The following RBPJ variants were observed in gnomAD, a reference collection of about 807,000 sequenced individuals.
RBPJ encodes the protein recombining binding protein suppressor of hairless.
In RBPJ, 9 loss-of-function variants were observed where a neutral mutation model predicts 67.8. That is an observed-to-expected ratio of 0.13 (90% CI 0.08 to 0.23). RBPJ has a LOEUF of 0.23. RBPJ is among the 10% of genes least tolerant of loss of function. The pLI is 1.00. For synonymous variants in RBPJ, 198 were observed against 203.3 expected, an observed-to-expected ratio of 0.97 and a Z score of 0.22; for missense variants, 305 against 595.6, an observed-to-expected ratio of 0.51 and a Z score of 5.08.
intron 1 of RBPJ, among the ~76,000 whole-genome samples, chr4:26,339,197 T>G (rs866921699): frequency 2.0e-5 from 3 of 152,196 alleles, no homozygotes; most frequent in Non-Finnish European, 4.4e-5. Flanking sequence ...AACGTGGTGT[T>G]TAGTACCCAG....
upstream of RBPJ, chr4:26,319,957 C>T: frequency 2.2e-6 from 3 of 1,352,310 alleles, no homozygotes; most frequent in Admixed American, 2.2e-5. Context: ...CAGGTTTGCC[C>T]GGGGGCTTCC....
At chr4:26,310,218 C>G (rs1025923556) in intron 1 of RBPJ, among the ~76,000 whole-genome samples, 1 of 152,134 alleles carries the variant, frequency 6.6e-6, no homozygotes, top group East Asian at 1.9e-4. Context: ...TCCTGGAGTT[C>G]GAGCTTATTT....
chr4:26,333,562 A>T (rs56118121), intron 1 of RBPJ, among the ~76,000 whole-genome samples: 4,620 of 150,960 alleles, frequency 0.031, 195 homozygotes, highest in African/African-American at 0.092. Flanking sequence ...ATTAAAAAAA[A>T]TTTTTTTTTT....
At chr4:26,186,453 C>T (rs1410503207) in intron 1 of RBPJ, among the ~76,000 whole-genome samples, 1 of 152,154 alleles carries the variant, frequency 6.6e-6, no homozygotes, top group African/African-American at 2.4e-5. Context: ...AGAAAAGAGT[C>T]ATGTTTAATA....
intron 1 of RBPJ, among the ~76,000 whole-genome samples, chr4:26,175,919 TA>T (rs1414703909): frequency 7.2e-5 from 11 of 152,132 alleles, no homozygotes; most frequent in South Asian, 2.1e-4. Flanking sequence ...GGCAAGGTGT[TA>T]CGCACCTTCT....
chr4:26,117,639 A>G, the RBPJ span, among the ~76,000 whole-genome samples: 1 of 152,176 alleles, frequency 6.6e-6, no homozygotes, highest in Non-Finnish European at 1.5e-5. Context: ...ACTAGGGAGA[A>G]GCTGGGTTCC....
the RBPJ span, among the ~76,000 whole-genome samples, chr4:26,151,205 G>A: frequency 1.3e-5 from 2 of 152,186 alleles, no homozygotes; most frequent in African/African-American, 4.8e-5. Context: ...GTTTTTTCCA[G>A]GAGGCTGTGC....
At chr4:26,394,420 T>C (rs1231744745) in intron 2 of RBPJ, among the ~76,000 whole-genome samples, 1 of 151,944 alleles carries the variant, frequency 6.6e-6, no homozygotes, top group Non-Finnish European at 1.5e-5. Context: ...TCCCAATCTC[T>C]TGAAATACTC....
At chr4:26,268,515 C>T (rs185679783) in intron 1 of RBPJ, among the ~76,000 whole-genome samples, 171 of 152,266 alleles carry the variant, frequency 1.1e-3, no homozygotes, top group Non-Finnish European at 2.1e-3. Flanking sequence ...GCCAGGAGTA[C>T]AGTGAAATGA....
At chr4:26,403,291 T>C (rs148029604) in intron 2 of RBPJ, among the ~76,000 whole-genome samples, 1 of 152,020 alleles carries the variant, frequency 6.6e-6, no homozygotes, top group Non-Finnish European at 1.5e-5. Context: ...TACTACACGC[T>C]ACCACTTTTT....
At chr4:26,379,519 C>CGG (rs777710220) in intron 1 of RBPJ, among the ~76,000 whole-genome samples, 22 of 152,060 alleles carry the variant, frequency 1.4e-4, no homozygotes, top group Non-Finnish European at 2.8e-4. Context: ...CACAAAGCTG[C>CGG]AGGAAAAAGA....
intron 1 of RBPJ, among the ~76,000 whole-genome samples, chr4:26,338,107 T>C (rs1725067330): frequency 6.7e-6 from 1 of 150,254 alleles, no homozygotes. Flanking sequence ...TTTTTTTTCA[T>C]CTTCCTCACC....
chr4:26,426,707 T>C (rs1560347121), intron 7 of RBPJ, among the ~76,000 whole-genome samples: 2 of 152,150 alleles, frequency 1.3e-5, no homozygotes, highest in Non-Finnish European at 2.9e-5. Context: ...AGTCGCAGTA[T>C]TTGAAGAGAG....
At chr4:26,318,732 C>G (rs1722751035), upstream of RBPJ, among the ~76,000 whole-genome samples, 1 of 152,094 alleles carries the variant, frequency 6.6e-6, no homozygotes, top group South Asian at 2.1e-4. Flanking sequence ...GGCGCGGTGG[C>G]TCACACGTGT....
At chr4:26,253,466 T>C (rs374774863) in intron 1 of RBPJ, among the ~76,000 whole-genome samples, 2,007 of 146,148 alleles carry the variant, frequency 0.014, 106 homozygotes, top group African/African-American at 0.047. Context: ...CGCCCGCCAC[T>C]ACGCCCGGCT....
chr4:26,201,318 C>A (rs1717973745), intron 1 of RBPJ, among the ~76,000 whole-genome samples: 1 of 152,106 alleles, frequency 6.6e-6, no homozygotes, highest in South Asian at 2.1e-4. Context: ...GATGGTGTAA[C>A]TTTTACTTAA....
chr4:26,429,969 A>C lies in RBPJ; in HGVS notation c.960A>C (p.Thr320=). Residue 320 remains threonine (T), a synonymous_variant, in exon 9 of 11, where the codon ACA becomes ACC. Coordinates refer to ENST00000355476, the MANE Select transcript of RBPJ (RefSeq NM_015874.6). ...NDGASWTIIS[T]DKAEYTFYEG... is the part of the protein sequence containing the mutation. Reference sequence around the variant, plus strand: ...GCGCTTCCTGGACAATCATTAGCACAGATAAGGCAGAGTATACATTTTATG... The same window carrying C: ...GCGCTTCCTGGACAATCATTAGCACCGATAAGGCAGAGTATACATTTTATG... 8 of 1,614,042 alleles carry C rather than the reference A, an allele frequency of 5.0e-6. No individual in the cohort carries two copies. The highest frequency in any genetic ancestry group is 6.8e-6 in the Non-Finnish European group (8 of 1,179,942).
intron 1 of RBPJ, among the ~76,000 whole-genome samples, chr4:26,194,267 G>T (rs370758532): frequency 2.0e-5 from 3 of 152,274 alleles, no homozygotes; most frequent in African/African-American, 7.2e-5. Context: ...TATGAAACTT[G>T]CTCTGAGAAT....
intron 1 of RBPJ, among the ~76,000 whole-genome samples, chr4:26,290,912 G>A (rs1213984227): frequency 6.6e-6 from 1 of 150,892 alleles, no homozygotes; most frequent in Non-Finnish European, 1.5e-5. Context: ...TCTTAAACCA[G>A]CTGGTCTTCC....
Sources: gnomAD v4.1 joint callset for allele counts (sites outside exome capture counted in the v4.1 genomes callset) on GRCh38, gnomAD v4.1.1 for gene constraint, MANE v1.5 for transcripts, NCBI Gene and HGNC (gene_info 2026-07-23, HGNC 2026-07-21) for gene names.